Variants in NUBPL observed in about 807,000 individuals in gnomAD.
The protein encoded by NUBPL is NUBP iron-sulfur cluster assembly factor, mitochondrial, also known as iron-sulfur cluster transfer protein NUBPL.
NUBPL carries 31 observed loss-of-function variants against 45.7 expected under a neutral mutation model. The observed-to-expected ratio is 0.68, with a 90% CI of 0.51 to 0.92. The LOEUF (loss-of-function observed/expected upper bound fraction) is 0.92, where lower values mean the gene tolerates loss of function less well. NUBPL is among the 40% of genes least tolerant of loss of function. The pLI is 0.00. For synonymous variants in NUBPL, 144 were observed against 140.9 expected (o/e 1.02, Z -0.15); for missense variants, 401 against 398.7 (o/e 1.01, Z -0.05).
chr14:31,623,612 G>A (rs1299385245), intron 4 of NUBPL, among the ~76,000 whole-genome samples: 2 of 152,146 alleles, frequency 1.3e-5, no homozygotes, highest in Non-Finnish European at 2.9e-5. Flanking sequence ...CATGTAGGAC[G>A]TGCTTTGCTT....
At chr14:31,851,667 G>T (rs8005547) in intron 10 of NUBPL, among the ~76,000 whole-genome samples, 1 of 151,728 alleles carries the variant, frequency 6.6e-6, no homozygotes, top group Non-Finnish European at 1.5e-5. Flanking sequence ...TTATCATCTT[G>T]GTAATTAAAG....
At chr14:31,775,222 A>G (rs988811246) in intron 6 of NUBPL, among the ~76,000 whole-genome samples, 1 of 152,170 alleles carries the variant, frequency 6.6e-6, no homozygotes, top group African/African-American at 2.4e-5. Context: ...GTTCAAGACC[A>G]GCCTGACCAA....
chr14:31,849,718 G>A (rs6571472), intron 9 of NUBPL, among the ~76,000 whole-genome samples: 1 of 151,732 alleles, frequency 6.6e-6, no homozygotes, highest in African/African-American at 2.4e-5. Flanking sequence ...ACTTTTTTTT[G>A]AACTACTTTG....
At chr14:31,741,468 T>C (rs1436407768) in intron 6 of NUBPL, among the ~76,000 whole-genome samples, 3 of 152,188 alleles carry the variant, frequency 2.0e-5, no homozygotes, top group Non-Finnish European at 4.4e-5. Flanking sequence ...TGGGTTCTGG[T>C]AAACTAGTTG....
At chr14:31,640,593 C>T (rs574168648) in intron 4 of NUBPL, among the ~76,000 whole-genome samples, 35 of 133,938 alleles carry the variant, frequency 2.6e-4, no homozygotes, top group African/African-American at 6.1e-4. Flanking sequence ...CCAGCCTGGG[C>T]GACAGAGTGA....
Position 31,673,392 on chromosome 14 carries a change from T to C in NUBPL, c.420T>C (p.Ala140=), listed in dbSNP as rs1200678771. Residue 140 remains alanine, a splice_region_variant and synonymous_variant, in exon 5 of 11, where the codon GCT becomes GCC. Transcript: ENST00000281081. The part of the protein sequence containing the change: ...LMRPLLNYGI[A]CMSMGFLVEE... Reference sequence around the variant, plus strand: ...GGCCTCTCTTGAATTATGGTATTGCTTGGTGAGCATATATATATTTTTAAT... The same window carrying C: ...GGCCTCTCTTGAATTATGGTATTGCCTGGTGAGCATATATATATTTTTAAT... 3 of 1,608,590 alleles carry C rather than the reference T, an allele frequency of 1.9e-6. No homozygotes were observed. The highest frequency in any genetic ancestry group is 2.6e-6 in the Non-Finnish European group (3 of 1,176,462).
intron 7 of NUBPL, among the ~76,000 whole-genome samples, chr14:31,791,321 T>G (rs1004286521): frequency 1.3e-5 from 2 of 152,232 alleles, no homozygotes; most frequent in South Asian, 4.2e-4. Flanking sequence ...AACCTAAAAT[T>G]TATTTTATGA....
chr14:31,697,922 T>G (rs1380519177), intron 6 of NUBPL, among the ~76,000 whole-genome samples: 1 of 152,056 alleles, frequency 6.6e-6, no homozygotes, highest in Admixed American at 6.6e-5. Flanking sequence ...GATCATGGGA[T>G]CAGAGTCAGA....
At chr14:31,805,954 C>T (rs2039677686) in intron 7 of NUBPL, among the ~76,000 whole-genome samples, 1 of 152,080 alleles carries the variant, frequency 6.6e-6, no homozygotes, top group African/African-American at 2.4e-5. Flanking sequence ...ATATGCCAGA[C>T]AGATAAAATT....
chr14:31,636,995 G>A (rs1179640275), intron 4 of NUBPL, among the ~76,000 whole-genome samples: 1 of 151,824 alleles, frequency 6.6e-6, no homozygotes, highest in African/African-American at 2.4e-5. Context: ...TTCTGTATTA[G>A]TCTTGCTGGT....
rs558648844 is a variant in NUBPL at position 31,768,148 on chromosome 14, A to G, written c.514-19632A>G. Reference sequence around the variant, plus strand: ...TGTATTTTGGAGACCCATCTTTTCAATGGGTGGTGTTTTTAACTTAGCTTC... The same window carrying G: ...TGTATTTTGGAGACCCATCTTTTCAGTGGGTGGTGTTTTTAACTTAGCTTC... On this transcript the variant is annotated intron_variant, in intron 6 of 10. Coordinates refer to ENST00000281081, the MANE Select transcript of NUBPL (RefSeq NM_025152.3). Among the ~76,000 whole-genome samples the G allele has an allele frequency of 1.1e-4, 16 of 152,250 alleles. No individual in the cohort carries two copies. In the East Asian group the frequency reaches 2.1e-3, roughly 20 times the overall value.
At chr14:31,781,792 A>G (rs987119129) in intron 6 of NUBPL, among the ~76,000 whole-genome samples, 3 of 152,174 alleles carry the variant, frequency 2.0e-5, no homozygotes, top group South Asian at 2.1e-4. Context: ...TGACTTACTC[A>G]GACCATCTAT....
chr14:31,613,434 A>C (rs999866222), intron 4 of NUBPL, among the ~76,000 whole-genome samples: 11 of 152,144 alleles, frequency 7.2e-5, no homozygotes, highest in African/African-American at 2.4e-4. Flanking sequence ...ACATTTAAAA[A>C]TAACTAAGAG....
chr14:31,853,602 A>C (rs1221910700), intron 10 of NUBPL, among the ~76,000 whole-genome samples: 1 of 152,170 alleles, frequency 6.6e-6, no homozygotes. Flanking sequence ...AAACACTAAA[A>C]AGGTAGTGAT....
intron 4 of NUBPL, among the ~76,000 whole-genome samples, chr14:31,602,079 G>A (rs1003213008): frequency 6.6e-6 from 1 of 152,184 alleles, no homozygotes. Context: ...ATGAGTTCAT[G>A]TTCTTTGTAG....
chr14:31,790,087 T>C (rs887313375), intron 7 of NUBPL, among the ~76,000 whole-genome samples: 14 of 152,178 alleles, frequency 9.2e-5, no homozygotes, highest in African/African-American at 2.9e-4. Context: ...ATTAGTAAAA[T>C]TGGGCTAAAT....
intron 6 of NUBPL, among the ~76,000 whole-genome samples, chr14:31,697,802 T>C (rs1405733027): frequency 6.6e-6 from 1 of 152,160 alleles, no homozygotes; most frequent in Non-Finnish European, 1.5e-5. Flanking sequence ...TTAAGAAGCC[T>C]TAATAAAGGT....
chr14:31,572,282 G>A (rs1381901194), intron 3 of NUBPL, among the ~76,000 whole-genome samples: 1 of 152,018 alleles, frequency 6.6e-6, no homozygotes, highest in Admixed American at 6.6e-5. Flanking sequence ...TGGGACTACA[G>A]GTACCCGCCA....
chr14:31,748,549 G>A (rs1417902100), intron 6 of NUBPL, among the ~76,000 whole-genome samples: 1 of 149,760 alleles, frequency 6.7e-6, no homozygotes, highest in Non-Finnish European at 1.5e-5. Flanking sequence ...ATTATGTAAT[G>A]ACCTTTTTGG....
Sources: gnomAD v4.1 joint callset for allele counts (sites outside exome capture counted in the v4.1 genomes callset) on GRCh38, gnomAD v4.1.1 for gene constraint, MANE v1.5 for transcripts, NCBI Gene and HGNC (gene_info 2026-07-23, HGNC 2026-07-21) for gene names.